MAGI2: variants seen among roughly 807,000 people sequenced by gnomAD.
MAGI2 encodes membrane-associated guanylate kinase, WW and PDZ domain-containing protein 2.
MAGI2 carries 35 observed loss-of-function variants against 133.3 expected under a neutral mutation model. The observed-to-expected ratio is 0.26, with a 90% CI of 0.20 to 0.35. The LOEUF (loss-of-function observed/expected upper bound fraction) is 0.35, where lower values mean the gene tolerates loss of function less well. Ranked by LOEUF, MAGI2 falls within the 10% of genes least tolerant of loss-of-function variation. MAGI2 has a pLI of 1.00. For missense variants in MAGI2, 1,636 were observed against 1,863.4 expected, an observed-to-expected ratio of 0.88 and a Z score of 2.25; for synonymous variants, 729 against 710.6, an observed-to-expected ratio of 1.03 and a Z score of -0.41.
At chr7:79,102,603 C>A (rs1818077741) in intron 1 of MAGI2, among the ~76,000 whole-genome samples, 1 of 152,086 alleles carries the variant, frequency 6.6e-6, no homozygotes, top group African/African-American at 2.4e-5. Flanking sequence ...ATAAATTTTG[C>A]CTTTCTACCC....
intron 2 of MAGI2, among the ~76,000 whole-genome samples, chr7:78,880,724 T>C (rs1278239264): frequency 1.3e-5 from 2 of 152,172 alleles, no homozygotes; most frequent in Non-Finnish European, 2.9e-5. Flanking sequence ...TCACATATCA[T>C]TATTAACCTT....
intron 3 of MAGI2, among the ~76,000 whole-genome samples, chr7:78,612,476 A>T (rs1175639204): frequency 6.6e-6 from 1 of 152,148 alleles, no homozygotes; most frequent in Non-Finnish European, 1.5e-5. Context: ...AAAAAATAAC[A>T]TTAGAAAACA....
chr7:78,689,161 G>C (rs1489620184), intron 2 of MAGI2, among the ~76,000 whole-genome samples: 1 of 152,128 alleles, frequency 6.6e-6, no homozygotes, highest in Non-Finnish European at 1.5e-5. Flanking sequence ...ATATGACATT[G>C]AAGTGTGAGA....
intron 9 of MAGI2, among the ~76,000 whole-genome samples, chr7:78,304,261 C>G (rs185900011): frequency 6.6e-6 from 1 of 152,288 alleles, no homozygotes; most frequent in East Asian, 1.9e-4. Flanking sequence ...AGTCCACATC[C>G]TTAACAGGGC....
intron 21 of MAGI2, among the ~76,000 whole-genome samples, chr7:78,070,198 TATATATATATATATATATATACAC>T (rs1191199367): frequency 8.9e-5 from 3 of 33,864 alleles, no homozygotes; most frequent in Non-Finnish European, 1.6e-4. Flanking sequence ...TATATATATA[TATATATATATATATATATATACAC>T]ACACACACAC....
At chr7:78,176,248 T>C (rs894674922) in intron 14 of MAGI2, among the ~76,000 whole-genome samples, 6 of 152,150 alleles carry the variant, frequency 3.9e-5, no homozygotes, top group Non-Finnish European at 7.4e-5. Context: ...CTCAGCATTT[T>C]CCCTCCTCTC....
intron 6 of MAGI2, among the ~76,000 whole-genome samples, chr7:78,440,255 T>C (rs1453578583): frequency 6.6e-6 from 1 of 152,120 alleles, no homozygotes; most frequent in Non-Finnish European, 1.5e-5. Context: ...CATTTATTCA[T>C]TTAAGGTAGG....
At chr7:78,080,040 T>C (rs1005462888) in intron 20 of MAGI2, among the ~76,000 whole-genome samples, 5 of 152,242 alleles carry the variant, frequency 3.3e-5, no homozygotes, top group African/African-American at 1.2e-4. Flanking sequence ...GTCTAAACTC[T>C]GTAATGCAAA....
intron 1 of MAGI2, among the ~76,000 whole-genome samples, chr7:79,227,721 C>G (rs1233803376): frequency 6.6e-6 from 1 of 152,120 alleles, no homozygotes; most frequent in African/African-American, 2.4e-5. Context: ...AAATCACAAG[C>G]AAATTAGAAA....
At chr7:78,488,638 A>G (rs1793300057) in intron 6 of MAGI2, among the ~76,000 whole-genome samples, 1 of 152,096 alleles carries the variant, frequency 6.6e-6, no homozygotes, top group Non-Finnish European at 1.5e-5. Context: ...ATACAGTTGT[A>G]CTATTATACA....
chr7:79,304,018 G>C (rs957140549), intron 1 of MAGI2, among the ~76,000 whole-genome samples: 7 of 152,064 alleles, frequency 4.6e-5, no homozygotes, highest in Non-Finnish European at 1.0e-4. Context: ...GGCCTTCTTG[G>C]CAGATGAGGA....
In MAGI2 at chr7:78,825,991, T is replaced by C. The variant is rs73369449; in HGVS notation, c.418+181099A>G. 8.5e-3 allele frequency among the ~76,000 whole-genome samples: 1,297 copies of C among 152,264 alleles called. 9 individuals are homozygous for C. The highest frequency in any genetic ancestry group is 0.03 in the African/African-American group (1,256 of 41,560). On this transcript the variant is annotated intron_variant, in intron 2 of 21. Coordinates refer to ENST00000354212, the MANE Select transcript of MAGI2 (RefSeq NM_012301.4). ...GATAAACAGAGGTACAACCATACAA[T>C]AGAATATTATTCAGTGATAAAAAGA...
intron 2 of MAGI2, among the ~76,000 whole-genome samples, chr7:78,839,333 C>T (rs1791925302): frequency 6.6e-6 from 1 of 152,086 alleles, no homozygotes; most frequent in Admixed American, 6.6e-5. Flanking sequence ...TATTTTAGTG[C>T]ATTCAACTTA....
At chr7:79,392,602 A>T (rs1254279584) in intron 1 of MAGI2, among the ~76,000 whole-genome samples, 3 of 152,152 alleles carry the variant, frequency 2.0e-5, no homozygotes, top group East Asian at 3.9e-4. Flanking sequence ...CATTTCTCTA[A>T]TGATCAGTGA....
At chr7:78,558,562 G>C (rs1295387329) in intron 3 of MAGI2, among the ~76,000 whole-genome samples, 1 of 152,168 alleles carries the variant, frequency 6.6e-6, no homozygotes, top group African/African-American at 2.4e-5. Context: ...CAAGGTGTTA[G>C]TAACATTGAA....
At chr7:78,855,384 C>T (rs1793543248) in intron 2 of MAGI2, among the ~76,000 whole-genome samples, 1 of 152,176 alleles carries the variant, frequency 6.6e-6, no homozygotes, top group African/African-American at 2.4e-5. Context: ...AGGTATATCT[C>T]CTAATGCTAT....
chr7:78,245,634 A>G (rs1360697043), intron 10 of MAGI2, among the ~76,000 whole-genome samples: 1 of 152,142 alleles, frequency 6.6e-6, no homozygotes, highest in Non-Finnish European at 1.5e-5. Context: ...CTCACCTCCC[A>G]GCTGGGCTCA....
At chr7:78,290,496 T>C (rs1046822561) in intron 9 of MAGI2, among the ~76,000 whole-genome samples, 6 of 152,138 alleles carry the variant, frequency 3.9e-5, no homozygotes, top group Admixed American at 1.3e-4. Context: ...ACAATAATAA[T>C]GGGAGACTTT....
chr7:79,315,972 A>T (rs62458966), intron 1 of MAGI2, among the ~76,000 whole-genome samples: 1 of 152,028 alleles, frequency 6.6e-6, no homozygotes, highest in Admixed American at 6.6e-5. Context: ...AAATAGTTAC[A>T]TGGCCCTGGG....
Sources: allele counts gnomAD v4.1 joint callset (sites outside exome capture counted in the v4.1 genomes callset), GRCh38; gene constraint gnomAD v4.1.1; transcripts MANE v1.5; gene names NCBI Gene and HGNC (gene_info 2026-07-23, HGNC 2026-07-21).